Variants in GUCY2D observed in about 807,000 individuals in gnomAD.
GUCY2D encodes guanylate cyclase 2D, retinal.
A neutral mutation model predicts 101.3 loss-of-function variants in GUCY2D; 70 were observed. The observed-to-expected ratio is 0.69, with a 90% CI of 0.57 to 0.84. The LOEUF (loss-of-function observed/expected upper bound fraction) is 0.84, where lower values mean the gene tolerates loss of function less well. Ranked by LOEUF, GUCY2D falls within the 40% of genes least tolerant of loss-of-function variation. The pLI is 0.00. For synonymous variants in GUCY2D, 688 were observed against 670.7 expected (o/e 1.03, Z -0.40); for missense variants, 1,460 against 1,542.5 (o/e 0.95, Z 0.90).
At chr17:8,007,595 A>C in intron 6 of GUCY2D, 67 bp downstream of exon 6, 1 of 964,066 alleles carries the variant, frequency 1.0e-6, no homozygotes, top group Non-Finnish European at 1.7e-6. Flanking sequence ...TCCCTGGGCC[A>C]GTCCCGACCC....
At position 8,003,333 on chromosome 17, in the gene GUCY2D, T is replaced by C; in HGVS notation, c.286T>C (p.Phe96Leu). ...RDPGLAGGPR[F>L]EVALLPEPCR... ...CCCCGGCCTGGCAGGCGGTCCCCGC[T>C]TCGAGGTAGCGCTGCTGCCCGAGCC... The change falls in exon 2 of 20, where the codon TTC becomes CTC. Residue 96 changes from phenylalanine (F) to leucine (L), a missense_variant. By Grantham distance (22) the Phe-to-Leu change is conservative (BLOSUM62 0). Transcript: ENST00000254854. 6.7e-7 allele frequency: 1 copy of C among 1,482,874 alleles called. No individual in the cohort carries two copies. Among genetic ancestry groups the C allele is most frequent in the Non-Finnish European group, 8.9e-7 (1 of 1,123,578 alleles). The allele number at this position is 1,482,874 out of a possible 1,614,324, so 91.9% of individuals were successfully genotyped here.
chr17:8,006,367 C>T lies in GUCY2D; in HGVS notation c.1031C>T (p.Ser344Phe), dbSNP rs768812125. 26 of 1,599,808 alleles carry T rather than the reference C, an allele frequency of 1.6e-5. No individual in the cohort carries two copies. The highest frequency in any genetic ancestry group is 2.1e-5 in the Non-Finnish European group (25 of 1,179,710). ...GCCCCTACTCTCCTTCTCCAGGTCT[C>T]CCCACTCTTTGGCACCATCTATGAC... Reference protein sequence around the residue: ...LPSDLNLQQVSPLFGTIYDAV... With the variant: ...LPSDLNLQQVFPLFGTIYDAV... The change falls in exon 4 of 20, where the codon TCC (serine) becomes TTC (phenylalanine). Residue 344 changes from serine to phenylalanine, a missense_variant. Physicochemically the swap from Ser to Phe is radical, Grantham distance 155. Around this residue, in one of 3 missense-constraint regions of GUCY2D, gnomAD observed 1,196 missense variants for 1,229.6 expected, o/e 0.97. Coordinates refer to ENST00000254854, the MANE Select transcript of GUCY2D (RefSeq NM_000180.4).
chr17:8,019,071 C>T (rs750336532), intron 19 of GUCY2D, among the ~76,000 whole-genome samples: 13 of 152,170 alleles, frequency 8.5e-5, no homozygotes, highest in Non-Finnish European at 1.8e-4. Context: ...GGCATGCACA[C>T]ACACACATTT....
chr17:8,014,234 G>A lies in GUCY2D; in HGVS notation c.2412+206G>A, dbSNP rs1975916457. ...CTTTTGGAGTGGGAGATAGAGTTCT[G>A]TCTGGGTGGGAGGAATATTCAATTC... On this transcript the variant is annotated intron_variant, in intron 12 of 19. Transcript: ENST00000254854. This position sits in a 1 kb window ranked among gnomAD's most constrained non-coding sequence, Gnocchi z 4.0. 1.6e-6 allele frequency: 1 copy of A among 631,128 alleles called. No homozygotes were observed. Among genetic ancestry groups the A allele is most frequent in the Admixed American group, 2.6e-5 (1 of 38,558 alleles). The allele number at this position is 631,128 out of a possible 1,614,324, so 39.1% of individuals were successfully genotyped here. A position where few individuals can be genotyped will look rare whatever the true frequency, so the allele number is the denominator to read the frequency against.
At chr17:8,015,722 C>G (rs1447751379) in intron 15 of GUCY2D, 21 bp from the exon 16 acceptor site, 4 of 1,571,160 alleles carry the variant, frequency 2.5e-6, no homozygotes, top group Non-Finnish European at 3.5e-6. Context: ...CTAGCCCCGC[C>G]GACCCCCAGC....
chr17:8,007,451 G>T lies in GUCY2D; in HGVS notation c.1489G>T (p.Val497Phe), dbSNP rs767360120. ...GCACCGGCTACTTCACATGCAAATG[G>T]TCTCCGGCCCCAACAAGATCATCCT... ...VRHRLLHMQM[V>F]SGPNKIILTV... Residue 497 changes from valine (V) to phenylalanine (F), a missense_variant, in exon 6 of 20, where the codon GTC becomes TTC. Transcript: ENST00000254854. 267 of 1,613,278 alleles carry T rather than the reference G, an allele frequency of 1.7e-4. No individual in the cohort carries two copies. Among genetic ancestry groups the T allele is most frequent in the Non-Finnish European group, 2.2e-4 (261 of 1,179,392 alleles).
Position 8,013,214 on chromosome 17 carries a change from G to A in GUCY2D, c.2225G>A (p.Arg742His), listed in dbSNP as rs138176835. 31 of 1,613,986 alleles carry A rather than the reference G, an allele frequency of 1.9e-5. No individual in the cohort carries two copies. Among genetic ancestry groups the A allele is most frequent in the East Asian group, 1.3e-4 (6 of 44,878 alleles). The change falls in exon 11 of 20, where the codon CGC becomes CAC. Residue 742 changes from arginine (R) to histidine (H), a missense_variant. Physicochemically the swap from Arg to His is conservative, Grantham distance 29. This residue lies in a region of GUCY2D where 1,196 missense variants were observed against 1,229.6 expected (regional missense o/e 0.97). Transcript: ENST00000254854. The surrounding 1 kb of genome is among the most constrained non-coding windows in gnomAD (Gnocchi z 5.0). ...LAIIMQEVVC[R>H]SAPYAMLELT... ...ATCATCATGCAAGAAGTAGTGTGCCGCAGTGCCCCTTATGCCATGCTGGAG... is the reference window on the plus strand; with the variant it reads ...ATCATCATGCAAGAAGTAGTGTGCCACAGTGCCCCTTATGCCATGCTGGAG...
chr17:8,006,984 A>C, intron 4 of GUCY2D, 76 bp from the exon 5 acceptor site: 1 of 1,209,836 alleles, frequency 8.3e-7, no homozygotes, highest in Non-Finnish European at 1.2e-6. Flanking sequence ...AGGGGCCAGC[A>C]TGTGGCATGC....
At position 8,015,388 on chromosome 17, in the gene GUCY2D, C is replaced by A. The variant is rs756575304; in HGVS notation, c.2830C>A (p.Arg944=). 1 of 1,612,806 alleles carries A rather than the reference C, an allele frequency of 6.2e-7. No homozygotes were observed. Among genetic ancestry groups the A allele is most frequent in the South Asian group, 1.1e-5 (1 of 91,084 alleles). ...GGGGCTGCCCCAGCGGAATGGGCAG[C>A]GACACGCGGCAGAGATCGCCAACAT... is the stretch of plus-strand genomic sequence containing the variant. ...ASGLPQRNGQ[R]HAAEIANMSL... The change falls in exon 15 of 20, where the codon CGA becomes AGA. Residue 944 remains arginine, a synonymous_variant. Transcript: ENST00000254854.
intron 18 of GUCY2D, 67 bp downstream of exon 18, chr17:8,016,357 C>T (rs1975975682): frequency 4.2e-6 from 6 of 1,435,596 alleles, no homozygotes; most frequent in African/African-American, 1.4e-5. Flanking sequence ...TGTGTCTGAC[C>T]CCCCGCGCGC....
rs568227769 is a variant in GUCY2D, at chr17:8,003,662, C to A, written c.615C>A (p.Leu205=). 1.3e-4 allele frequency: 209 copies of A among 1,595,592 alleles called. 3 individuals are homozygous for A. In the South Asian group the frequency reaches 2.1e-3, roughly 16 times the overall value. Residue 205 remains leucine, a synonymous_variant, in exon 2 of 20, where the codon CTC becomes CTA. Coordinates refer to ENST00000254854, the MANE Select transcript of GUCY2D (RefSeq NM_000180.4). Reference sequence around the variant, plus strand: ...CGGGACGCTCACTGTCCACGGCACTCAGGGCCCGGGGCCTGCCTGTCGCCT... The same window carrying A: ...CGGGACGCTCACTGTCCACGGCACTAAGGGCCCGGGGCCTGCCTGTCGCCT... ...VEAGRSLSTA[L]RARGLPVASV... is the part of the protein sequence containing the mutation.
chr17:8,002,838 G>A lies in GUCY2D; in HGVS notation c.-10+104G>A. 1.9e-6 allele frequency: 1 copy of A among 534,716 alleles called. No homozygotes were observed. The highest frequency in any genetic ancestry group is 3.3e-6 in the Non-Finnish European group (1 of 305,838). 33.1% of individuals were successfully genotyped at this position (534,716 alleles called of 1,614,324 possible). A position where few individuals can be genotyped will look rare whatever the true frequency, so the allele number is the denominator to read the frequency against. ...CGACGGGGGGAGGGGCAGGCCGGGT[G>A]GGAGCGGGAAGCCGGGGCGGCAGAA... On this transcript the variant is annotated intron_variant, in intron 1 of 19. Transcript: ENST00000254854. The surrounding 1 kb of genome is among the most constrained non-coding windows in gnomAD (Gnocchi z 4.9).
intron 19 of GUCY2D, 142 bp downstream of exon 19, chr17:8,016,696 G>A (rs2151804371): frequency 1.7e-6 from 1 of 594,562 alleles, no homozygotes; most frequent in East Asian, 2.8e-5. Flanking sequence ...CCCCTGGGAG[G>A]GAAGCAGCCA....
Position 8,014,450 on chromosome 17 carries a change from CCCCGG to C in GUCY2D, c.2413-150_2413-146del. The C allele has an allele frequency of 1.3e-6, 1 of 767,496 alleles. No individual in the cohort carries two copies. The highest frequency in any genetic ancestry group is 2.3e-6 in the Non-Finnish European group (1 of 436,504). 47.5% of individuals were successfully genotyped at this position (767,496 alleles called of 1,614,324 possible). On this transcript the variant is annotated intron_variant, in intron 12 of 19. Coordinates refer to ENST00000254854, the MANE Select transcript of GUCY2D (RefSeq NM_000180.4). The surrounding 1 kb of genome is among the most constrained non-coding windows in gnomAD (Gnocchi z 4.0). ...GTGTCTGAAAACACAGTGCCCAGCA[CCCCGG>C]GGTGCTTGATGAATAGTAGATGAAT...
intron 7 of GUCY2D, among the ~76,000 whole-genome samples, chr17:8,009,087 T>C (rs1021869048): frequency 5.3e-5 from 8 of 152,148 alleles, no homozygotes; most frequent in Non-Finnish European, 1.2e-4. Flanking sequence ...GAGGATGAGG[T>C]CCAGCATCAG....
intron 7 of GUCY2D, among the ~76,000 whole-genome samples, 199 bp from the exon 8 acceptor site, chr17:8,009,307 T>C (rs1266429162): frequency 6.6e-6 from 1 of 152,194 alleles, no homozygotes; most frequent in Non-Finnish European, 1.5e-5. Context: ...AGAATCTCTG[T>C]CATCCAGGGG....
Position 8,012,198 on chromosome 17 carries a change from C to A in GUCY2D, c.1804C>A (p.Arg602=), listed in dbSNP as rs770740012. The A allele has an allele frequency of 1.9e-6, 3 of 1,613,978 alleles. No homozygotes were observed. The African/African-American group carries it at 4.0e-5, about 22-fold the overall frequency. ...VALYLGLFLA[R]GAEGPAALWE... is the part of the protein sequence containing the mutation. ...CCTCTACCTGGGGCTTTTCCTGGCTCGGGGAGCAGAAGGCCCTGCGGCCCT... is the reference window on the plus strand; with the variant it reads ...CCTCTACCTGGGGCTTTTCCTGGCTAGGGGAGCAGAAGGCCCTGCGGCCCT... The change falls in exon 9 of 20, where the codon CGG becomes AGG. Residue 602 remains arginine (R), a synonymous_variant. Coordinates refer to ENST00000254854, the MANE Select transcript of GUCY2D (RefSeq NM_000180.4).
Position 8,013,227 on chromosome 17 carries a change from T to C in GUCY2D, c.2238T>C (p.Tyr746=). 7 of 1,614,096 alleles carry C rather than the reference T, an allele frequency of 4.3e-6. No individual in the cohort carries two copies. In the East Asian group the frequency reaches 8.9e-5, roughly 21 times the overall value. The change falls in exon 11 of 20, where the codon TAT becomes TAC. Residue 746 remains tyrosine (Y), a synonymous_variant. Transcript: ENST00000254854. This position sits in a 1 kb window ranked among gnomAD's most constrained non-coding sequence, Gnocchi z 5.0. ...MQEVVCRSAP[Y]AMLELTPEEV... is the part of the protein sequence containing the mutation. ...AAGTAGTGTGCCGCAGTGCCCCTTATGCCATGCTGGAGCTCACTCCCGAGG... is the reference window on the plus strand; with the variant it reads ...AAGTAGTGTGCCGCAGTGCCCCTTACGCCATGCTGGAGCTCACTCCCGAGG...
chr17:8,017,494 C>T lies in GUCY2D; in HGVS notation c.*24+940C>T, dbSNP rs539380013. Among the ~76,000 whole-genome samples, 4 of 152,304 alleles carry T rather than the reference C, an allele frequency of 2.6e-5. No individual in the cohort carries two copies. The East Asian group carries it at 7.7e-4, about 29-fold the overall frequency. On this transcript the variant is annotated intron_variant, in intron 19 of 19. Coordinates refer to ENST00000254854, the MANE Select transcript of GUCY2D (RefSeq NM_000180.4). ...TCAAGCTTCATTCCTATCTCCATCT[C>T]CCACCAGTCAGAAACTGGCTGCTTC...
Sources: allele counts gnomAD v4.1 joint callset (sites outside exome capture counted in the v4.1 genomes callset), GRCh38; gene constraint gnomAD v4.1.1; regional missense constraint gnomAD v4.1.1; non-coding constraint Gnocchi (gnomAD v3.1); transcripts MANE v1.5; gene names NCBI Gene and HGNC (gene_info 2026-07-23, HGNC 2026-07-21).